Variants in TMEM132B observed in about 807,000 individuals in gnomAD.
The protein encoded by TMEM132B is transmembrane protein 132B.
TMEM132B carries 18 observed loss-of-function variants against 90.8 expected under a neutral mutation model. The ratio of observed to expected loss-of-function variants is 0.20; its 90% CI spans 0.14 to 0.29. The LOEUF is 0.29. Among genes scored for constraint, TMEM132B ranks in the 10% least tolerant of loss-of-function variants. The pLI, the probability that TMEM132B is intolerant of heterozygous loss-of-function variation, is 1.00. For synonymous variants in TMEM132B, 504 were observed against 523.3 expected (o/e 0.96, Z 0.50); for missense variants, 1,096 against 1,326.8 (o/e 0.83, Z 2.70).
At chr12:125,449,140 T>G (rs1466383782) in intron 3 of TMEM132B, among the ~76,000 whole-genome samples, 1 of 152,142 alleles carries the variant, frequency 6.6e-6, no homozygotes, top group East Asian at 1.9e-4. Context: ...CTAAATTTTT[T>G]GTATTTTTAG....
chr12:125,455,516 G>A (rs1443348911), intron 3 of TMEM132B, among the ~76,000 whole-genome samples: 4 of 152,294 alleles, frequency 2.6e-5, no homozygotes, highest in Non-Finnish European at 5.9e-5. Context: ...AGAAATACTA[G>A]TAAGAGAAAG....
chr12:125,588,186 T>C, intron 5 of TMEM132B: 1 of 152,328 alleles, frequency 6.6e-6, no homozygotes, highest in Non-Finnish European at 1.5e-5. Flanking sequence ...TTCCTCACCG[T>C]TTGACCTTGG....
At chr12:125,504,885 G>T (rs955784550) in intron 3 of TMEM132B, among the ~76,000 whole-genome samples, 2 of 151,642 alleles carry the variant, frequency 1.3e-5, no homozygotes, top group African/African-American at 4.9e-5. Context: ...AATGAGGGGA[G>T]AATGCTGGAA....
intron 4 of TMEM132B, among the ~76,000 whole-genome samples, chr12:125,573,942 A>G (rs1426599990): frequency 6.6e-6 from 1 of 152,216 alleles, no homozygotes; most frequent in African/African-American, 2.4e-5. Context: ...ACTTCTTTTT[A>G]ACCAATATAG....
At chr12:125,546,009 T>C (rs1884080298) in intron 4 of TMEM132B, among the ~76,000 whole-genome samples, 2 of 152,206 alleles carry the variant, frequency 1.3e-5, no homozygotes, top group Non-Finnish European at 2.9e-5. Flanking sequence ...CAATTAATCC[T>C]TCTTAAGTAT....
intron 3 of TMEM132B, among the ~76,000 whole-genome samples, chr12:125,474,850 C>A (rs1024577631): frequency 6.6e-6 from 1 of 151,980 alleles, no homozygotes; most frequent in Non-Finnish European, 1.5e-5. Context: ...CTGTCCCCTG[C>A]GCCTGGCAGA....
chr12:125,201,961 C>T (rs1873073419), intron 1 of TMEM132B, among the ~76,000 whole-genome samples: 1 of 152,210 alleles, frequency 6.6e-6, no homozygotes, highest in Admixed American at 6.5e-5. Flanking sequence ...TTGTCTGCTT[C>T]CTCACCCTGG....
chr12:125,358,531 T>C (rs1280685002), intron 2 of TMEM132B, among the ~76,000 whole-genome samples: 1 of 152,174 alleles, frequency 6.6e-6, no homozygotes, highest in African/African-American at 2.4e-5. Flanking sequence ...TCTTTTTATA[T>C]TTTTTTCTAT....
At chr12:125,379,863 TAGAG>T (rs1288926330) in intron 2 of TMEM132B, among the ~76,000 whole-genome samples, 11 of 152,120 alleles carry the variant, frequency 7.2e-5, no homozygotes, top group Admixed American at 1.3e-4. Context: ...CCACTACAGG[TAGAG>T]GTGTGTGGAA....
intron 3 of TMEM132B, among the ~76,000 whole-genome samples, chr12:125,464,014 C>T (rs530683783): frequency 6.6e-6 from 1 of 152,276 alleles, no homozygotes; most frequent in East Asian, 1.9e-4. Flanking sequence ...ATCATGAGAA[C>T]AGCATGGGAG....
chr12:125,511,329 T>TG (rs1019490863), intron 3 of TMEM132B, among the ~76,000 whole-genome samples: 1 of 152,192 alleles, frequency 6.6e-6, no homozygotes, highest in South Asian at 2.1e-4. Context: ...TTTCACCTTT[T>TG]GGGGGGGATG....
intron 4 of TMEM132B, among the ~76,000 whole-genome samples, chr12:125,525,046 C>T (rs1336133815): frequency 2.6e-5 from 4 of 151,994 alleles, no homozygotes; most frequent in African/African-American, 9.7e-5. Context: ...GGAGCAAGAG[C>T]ATGGGCGCTT....
intron 3 of TMEM132B, among the ~76,000 whole-genome samples, chr12:125,506,560 T>TA (rs888076033): frequency 2.0e-5 from 3 of 151,732 alleles, no homozygotes; most frequent in Admixed American, 6.6e-5. Context: ...GAGTTAAAAG[T>TA]AAAAAAAAAT....
intron 1 of TMEM132B, among the ~76,000 whole-genome samples, chr12:125,280,638 G>C (rs1025019483): frequency 1.8e-4 from 27 of 152,344 alleles, no homozygotes; most frequent in African/African-American, 5.8e-4. Flanking sequence ...AGATGCTGCT[G>C]CTCCCCTACG....
intron 1 of TMEM132B, among the ~76,000 whole-genome samples, chr12:125,252,612 C>T (rs973111697): frequency 6.6e-6 from 1 of 152,202 alleles, no homozygotes; most frequent in Non-Finnish European, 1.5e-5. Context: ...CCCGGAACCC[C>T]TAGAAGGTGT....
At chr12:125,297,278 A>G (rs1435682481) in intron 1 of TMEM132B, among the ~76,000 whole-genome samples, 1 of 152,210 alleles carries the variant, frequency 6.6e-6, no homozygotes, top group Non-Finnish European at 1.5e-5. Context: ...ACGGTGGCAC[A>G]TGTTTCAACC....
In TMEM132B at chr12:125,371,109, C is replaced by G. The variant is rs1347409607; in HGVS notation, c.959+20766C>G. 4.0e-5 allele frequency among the ~76,000 whole-genome samples: 6 copies of G among 150,568 alleles called. No homozygotes were observed. The Admixed American group carries it at 4.1e-4, about 10-fold the overall frequency. On this transcript the variant is annotated intron_variant, in intron 2 of 8. Coordinates refer to ENST00000682704, the MANE Select transcript of TMEM132B (RefSeq NM_001366854.1). ...GCCAAAAATCCTGGAGTCTGATGTTCGAGGGTAGGAAGCATCCAGCACAGG... is the reference window on the plus strand; with the variant it reads ...GCCAAAAATCCTGGAGTCTGATGTTGGAGGGTAGGAAGCATCCAGCACAGG...
At chr12:125,589,338 C>CG in intron 5 of TMEM132B, among the ~76,000 whole-genome samples, 1 of 151,854 alleles carries the variant, frequency 6.6e-6, no homozygotes, top group East Asian at 1.9e-4. Flanking sequence ...AAAAATTAGC[C>CG]GGGCGTAGTG....
At chr12:125,623,796 G>T (rs1028856834) in intron 5 of TMEM132B, among the ~76,000 whole-genome samples, 9 of 152,176 alleles carry the variant, frequency 5.9e-5, no homozygotes, top group Non-Finnish European at 1.0e-4. Context: ...CCTGCTCAGA[G>T]CCCACCATAT....
Sources: gnomAD v4.1 joint callset for allele counts (sites outside exome capture counted in the v4.1 genomes callset) on GRCh38, gnomAD v4.1.1 for gene constraint, MANE v1.5 for transcripts, NCBI Gene and HGNC (gene_info 2026-07-23, HGNC 2026-07-21) for gene names.